Variants in NR3C2 observed in about 807,000 individuals in gnomAD.
NR3C2 encodes the protein mineralocorticoid receptor.
In NR3C2, 15 loss-of-function variants were observed where a neutral mutation model predicts 86.4. That is an observed-to-expected ratio of 0.17 (90% CI 0.12 to 0.27). The LOEUF (loss-of-function observed/expected upper bound fraction) is 0.27, where lower values mean the gene tolerates loss of function less well. Among genes scored for constraint, NR3C2 ranks in the 10% least tolerant of loss-of-function variants. The probability of loss-of-function intolerance (pLI) is 1.00; values close to 1 mark genes in which losing one functional copy is unlikely to be tolerated. For synonymous variants in NR3C2, 458 were observed against 450.5 expected (o/e 1.02, Z -0.21); for missense variants, 960 against 1,195.6 (o/e 0.80, Z 2.91).
At chr4:148,129,726 G>C (rs1732927929) in intron 6 of NR3C2, among the ~76,000 whole-genome samples, 1 of 152,112 alleles carries the variant, frequency 6.6e-6, no homozygotes. Context: ...CTCTCAAGTA[G>C]TTGGGATTAC....
At chr4:148,112,885 C>T (rs1732106256) in intron 8 of NR3C2, among the ~76,000 whole-genome samples, 1 of 152,088 alleles carries the variant, frequency 6.6e-6, no homozygotes, top group Non-Finnish European at 1.5e-5. Flanking sequence ...TGATGCCTGT[C>T]AACATTTTCC....
intron 2 of NR3C2, among the ~76,000 whole-genome samples, chr4:148,427,428 G>A (rs1749598877): frequency 6.6e-6 from 1 of 152,038 alleles, no homozygotes; most frequent in Non-Finnish European, 1.5e-5. Context: ...CCACAGTGAA[G>A]AAAGGGGGTG....
chr4:148,194,313 T>C (rs893750099), intron 4 of NR3C2, among the ~76,000 whole-genome samples: 1 of 152,208 alleles, frequency 6.6e-6, no homozygotes, highest in Admixed American at 6.5e-5. Context: ...ACTGTAACAT[T>C]TCAAAGCTTT....
intron 8 of NR3C2, among the ~76,000 whole-genome samples, chr4:148,090,934 C>G (rs1214479962): frequency 1.3e-5 from 2 of 152,224 alleles, no homozygotes; most frequent in African/African-American, 4.8e-5. Context: ...TGGCATTGGC[C>G]TGGCAGCCGG....
intron 3 of NR3C2, among the ~76,000 whole-genome samples, chr4:148,242,093 G>A (rs547238371): frequency 6.6e-6 from 1 of 152,116 alleles, no homozygotes; most frequent in Non-Finnish European, 1.5e-5. Flanking sequence ...TTCAGTTTTT[G>A]CAAGATGAAA....
At chr4:148,428,823 A>G (rs556924694) in intron 2 of NR3C2, among the ~76,000 whole-genome samples, 1 of 152,234 alleles carries the variant, frequency 6.6e-6, no homozygotes, top group East Asian at 1.9e-4. Context: ...TATCCACCCT[A>G]CAAACACACT....
chr4:148,427,289 T>A (rs1431399525), intron 2 of NR3C2, among the ~76,000 whole-genome samples: 2 of 152,102 alleles, frequency 1.3e-5, no homozygotes, highest in African/African-American at 4.8e-5. Context: ...GGAGTTAAGC[T>A]CATAACATGA....
intron 6 of NR3C2, among the ~76,000 whole-genome samples, chr4:148,122,560 T>C (rs1453997498): frequency 1.3e-5 from 2 of 152,204 alleles, no homozygotes; most frequent in Non-Finnish European, 2.9e-5. Flanking sequence ...CATTTTAACT[T>C]ACTTTCCTTC....
intron 3 of NR3C2, among the ~76,000 whole-genome samples, chr4:148,212,114 G>A (rs969564158): frequency 6.6e-6 from 1 of 152,160 alleles, no homozygotes; most frequent in African/African-American, 2.4e-5. Context: ...GCTAACACTG[G>A]CTGAGCACTA....
At chr4:148,263,912 C>T (rs1215975918) in intron 2 of NR3C2, among the ~76,000 whole-genome samples, 2 of 152,216 alleles carry the variant, frequency 1.3e-5, no homozygotes, top group African/African-American at 4.8e-5. Context: ...GTGACTTGTG[C>T]ACTTATCCTA....
At chr4:148,336,793 G>GT (rs1423762413) in intron 2 of NR3C2, among the ~76,000 whole-genome samples, 1 of 152,038 alleles carries the variant, frequency 6.6e-6, no homozygotes, top group Admixed American at 6.6e-5. Flanking sequence ...GTTTTGATTT[G>GT]TTTTTTTCTT....
intron 7 of NR3C2, among the ~76,000 whole-genome samples, chr4:148,117,231 A>C (rs979294225): frequency 6.6e-6 from 1 of 152,230 alleles, no homozygotes; most frequent in Non-Finnish European, 1.5e-5. Context: ...GAATTCAATG[A>C]AAATAAAACA....
At chr4:148,311,230 ACT>A (rs1175547512) in intron 2 of NR3C2, among the ~76,000 whole-genome samples, 1 of 151,702 alleles carries the variant, frequency 6.6e-6, no homozygotes, top group Non-Finnish European at 1.5e-5. Flanking sequence ...TATTCTTATG[ACT>A]CTCAAATTAA....
chr4:148,348,553 C>T (rs528822310), intron 2 of NR3C2, among the ~76,000 whole-genome samples: 1 of 152,232 alleles, frequency 6.6e-6, no homozygotes, highest in African/African-American at 2.4e-5. Context: ...TTCTTCTCTG[C>T]CTTTTTGTAT....
intron 2 of NR3C2, among the ~76,000 whole-genome samples, chr4:148,419,339 CGAAG>C: frequency 6.6e-6 from 1 of 152,138 alleles, no homozygotes; most frequent in Middle Eastern, 3.4e-3. Context: ...AAATGGTTGG[CGAAG>C]GAAGGGCCCA....
chr4:148,344,356 C>T (rs1453317932), intron 2 of NR3C2, among the ~76,000 whole-genome samples: 4 of 152,030 alleles, frequency 2.6e-5, no homozygotes, highest in Admixed American at 2.0e-4. Context: ...ATCTAAACAA[C>T]ATAGAGACAG....
At chr4:148,201,266 G>A (rs547286032) in intron 3 of NR3C2, 3 of 152,342 alleles carry the variant, frequency 2.0e-5, no homozygotes, top group African/African-American at 7.2e-5. Flanking sequence ...AATGTGAGTT[G>A]AGCCAGTGTG....
chr4:148,331,107 G>C (rs529130518), intron 2 of NR3C2, among the ~76,000 whole-genome samples: 3 of 152,162 alleles, frequency 2.0e-5, no homozygotes, highest in East Asian at 3.9e-4. Context: ...GTATATAAAG[G>C]AAATACATAT....
chr4:148,305,768 G>A (rs900036979), intron 2 of NR3C2, among the ~76,000 whole-genome samples: 2 of 152,208 alleles, frequency 1.3e-5, no homozygotes, highest in African/African-American at 4.8e-5. Flanking sequence ...TGACAACACA[G>A]AAGTGAAGAA....
Sources: allele counts gnomAD v4.1 joint callset (sites outside exome capture counted in the v4.1 genomes callset), GRCh38; gene constraint gnomAD v4.1.1; transcripts MANE v1.5; gene names NCBI Gene and HGNC (gene_info 2026-07-23, HGNC 2026-07-21).